FKTN: variants seen among roughly 807,000 people sequenced by gnomAD.
The protein encoded by FKTN is fukutin, also known as ribitol-5-phosphate transferase FKTN.
Under a neutral mutation model 58.6 loss-of-function variants are expected in FKTN, and 47 were observed. That is an observed-to-expected ratio of 0.80 (90% CI 0.63 to 1.02). The LOEUF (loss-of-function observed/expected upper bound fraction) is 1.02, where lower values mean the gene tolerates loss of function less well. Ranked by LOEUF, FKTN falls within the 50% of genes least tolerant of loss-of-function variation. FKTN has a pLI of 0.00. For synonymous variants in FKTN, 178 were observed against 191.9 expected, an observed-to-expected ratio of 0.93 and a Z score of 0.60; for missense variants, 516 against 537.3, an observed-to-expected ratio of 0.96 and a Z score of 0.39.
At position 105,636,552 on chromosome 9, in the gene FKTN, T is replaced by G. The variant is rs1415352413; in HGVS notation, c.*1288T>G. On this transcript the variant is annotated 3_prime_UTR_variant, in exon 11 of 11. Transcript: ENST00000357998. ...AGTTTCCTTTTCCCCTCAAGATGTC[T>G]GAGTCAGCTAGGATGCTGTTTACCC... The G allele has an allele frequency of 8.6e-6, 9 of 1,049,756 alleles. No individual in the cohort carries two copies. Among genetic ancestry groups the G allele is most frequent in the Non-Finnish European group, 1.0e-5 (9 of 857,370 alleles). 65.0% of individuals were successfully genotyped at this position (1,049,756 alleles called of 1,614,324 possible).
intron 3 of FKTN, among the ~76,000 whole-genome samples, chr9:105,586,785 A>G (rs1293205365): frequency 6.6e-6 from 1 of 152,236 alleles, no homozygotes; most frequent in Non-Finnish European, 1.5e-5. Flanking sequence ...AACTATCAGT[A>G]GCTTACATTT....
chr9:105,569,430 T>C (rs866309686), intron 1 of FKTN, among the ~76,000 whole-genome samples: 2 of 152,128 alleles, frequency 1.3e-5, no homozygotes, highest in Non-Finnish European at 2.9e-5. Flanking sequence ...CTAGTTTTTT[T>C]CCAAGCCTTT....
chr9:105,599,092 G>T (rs1011899087), intron 4 of FKTN, among the ~76,000 whole-genome samples: 2 of 152,102 alleles, frequency 1.3e-5, no homozygotes, highest in Non-Finnish European at 2.9e-5. Context: ...AAAGATATAT[G>T]AAGAACTCCC....
chr9:105,620,264 C>G (rs1831624463), intron 10 of FKTN: 1 of 488,898 alleles, frequency 2.0e-6, no homozygotes, highest in Non-Finnish European at 3.7e-6. Flanking sequence ...GAGGAAGTGT[C>G]CCTGGGTTTG....
chr9:105,580,033 A>T (rs910010936), intron 3 of FKTN, among the ~76,000 whole-genome samples: 1 of 151,540 alleles, frequency 6.6e-6, no homozygotes, highest in Non-Finnish European at 1.5e-5. Context: ...ATCTTCCTCC[A>T]TCCTTTTATT....
intron 3 of FKTN, among the ~76,000 whole-genome samples, chr9:105,575,835 T>G (rs1027608480): frequency 2.0e-5 from 3 of 152,204 alleles, no homozygotes; most frequent in Non-Finnish European, 4.4e-5. Context: ...TTTGCGCCCC[T>G]CCTCAACTAG....
At chr9:105,606,913 T>C (rs1334171568) in intron 6 of FKTN, among the ~76,000 whole-genome samples, 1 of 151,820 alleles carries the variant, frequency 6.6e-6, no homozygotes, top group African/African-American at 2.4e-5. Flanking sequence ...GTTTTTATTA[T>C]TGGCTTCTCT....
chr9:105,562,823 A>T (rs1181218250), intron 1 of FKTN, among the ~76,000 whole-genome samples: 1 of 152,188 alleles, frequency 6.6e-6, no homozygotes, highest in Non-Finnish European at 1.5e-5. Context: ...TCTCTGATTC[A>T]TACTATCTAT....
intron 3 of FKTN, among the ~76,000 whole-genome samples, chr9:105,594,742 CATT>C (rs1826437276): frequency 6.6e-6 from 1 of 152,056 alleles, no homozygotes; most frequent in Non-Finnish European, 1.5e-5. Flanking sequence ...ACCCCTGTCT[CATT>C]AATAATAGTA....
In FKTN at chr9:105,635,622, A is replaced by G. The variant is rs1001659987; in HGVS notation, c.*358A>G. 9 of 1,157,930 alleles carry G rather than the reference A, an allele frequency of 7.8e-6. No homozygotes were observed. Among genetic ancestry groups the G allele is most frequent in the African/African-American group, 1.6e-5 (1 of 62,474 alleles). 71.7% of individuals were successfully genotyped at this position (1,157,930 alleles called of 1,614,324 possible). A position where few individuals can be genotyped will look rare whatever the true frequency, so the allele number is the denominator to read the frequency against. Reference sequence around the variant, plus strand: ...AACGTGAAGTAATGTTTGAACTGGAAGATGAGCTCACCAGGCAAAGCTAAG... The same window carrying G: ...AACGTGAAGTAATGTTTGAACTGGAGGATGAGCTCACCAGGCAAAGCTAAG... On this transcript the variant is annotated 3_prime_UTR_variant, in exon 11 of 11. Coordinates refer to ENST00000357998, the MANE Select transcript of FKTN (RefSeq NM_001079802.2).
At chr9:105,573,199 C>G (rs1484256547) in intron 1 of FKTN, among the ~76,000 whole-genome samples, 1 of 150,970 alleles carries the variant, frequency 6.6e-6, no homozygotes, top group Admixed American at 6.6e-5. Context: ...CGTGCCACTG[C>G]ACTCCATCCA....
intron 1 of FKTN, among the ~76,000 whole-genome samples, chr9:105,564,597 A>G (rs1487739286): frequency 6.6e-6 from 1 of 152,224 alleles, no homozygotes; most frequent in Non-Finnish European, 1.5e-5. Flanking sequence ...AAGTTTAGAG[A>G]AAAAAGAATA....
chr9:105,565,692 T>C (rs555225302), intron 1 of FKTN, among the ~76,000 whole-genome samples: 1 of 152,202 alleles, frequency 6.6e-6, no homozygotes, highest in South Asian at 2.1e-4. Flanking sequence ...TCCCATACAA[T>C]AATAATGGGA....
chr9:105,566,197 G>A (rs1839566763), intron 1 of FKTN, among the ~76,000 whole-genome samples: 2 of 152,100 alleles, frequency 1.3e-5, no homozygotes, highest in African/African-American at 4.8e-5. Context: ...AGAGAAAGCA[G>A]GAAAGATCTA....
intron 4 of FKTN, among the ~76,000 whole-genome samples, chr9:105,600,336 T>A (rs1177716465): frequency 6.6e-6 from 1 of 152,218 alleles, no homozygotes; most frequent in African/African-American, 2.4e-5. Context: ...TATTCTTAAT[T>A]TCATGAAGCA....
intron 3 of FKTN, among the ~76,000 whole-genome samples, chr9:105,594,809 G>A (rs1419029837): frequency 1.3e-5 from 2 of 152,200 alleles, no homozygotes; most frequent in Non-Finnish European, 2.9e-5. Flanking sequence ...AGTTGCAGGT[G>A]CAGAATAAGT....
Position 105,635,093 on chromosome 9 carries a change from A to G in FKTN, c.1215A>G (p.Val405=). ...PKFTLCWTEF[V]DMKVHVPCET... ...TTACACTGTGCTGGACTGAGTTTGT[A>G]GACATGAAGGTCCATGTACCCTGTG... Residue 405 remains valine, a synonymous_variant, in exon 11 of 11, where the codon GTA becomes GTG. Coordinates refer to ENST00000357998, the MANE Select transcript of FKTN (RefSeq NM_001079802.2). 1 of 1,614,128 alleles carries G rather than the reference A, an allele frequency of 6.2e-7. No individual in the cohort carries two copies. The highest frequency in any genetic ancestry group is 8.5e-7 in the Non-Finnish European group (1 of 1,179,978).
chr9:105,638,912 C>A lies in FKTN; in HGVS notation c.*3648C>A. 8 of 985,112 alleles carry A rather than the reference C, an allele frequency of 8.1e-6. No homozygotes were observed. In the South Asian group the frequency reaches 3.8e-4, roughly 46 times the overall value. 61.0% of individuals were successfully genotyped at this position (985,112 alleles called of 1,614,324 possible). A position where few individuals can be genotyped will look rare whatever the true frequency, so the allele number is the denominator to read the frequency against. ...ATAGGCAGGATATTACATAGGTAAG[C>A]AGGAATTTATACATTGGGTACCAGA... On this transcript the variant is annotated 3_prime_UTR_variant, in exon 11 of 11. Transcript: ENST00000357998.
chr9:105,627,740 C>G (rs1292701530), intron 10 of FKTN, among the ~76,000 whole-genome samples: 1 of 152,140 alleles, frequency 6.6e-6, no homozygotes, highest in African/African-American at 2.4e-5. Flanking sequence ...CTCTGCATTT[C>G]TATAGATTTT....
Sources: allele counts gnomAD v4.1 joint callset (sites outside exome capture counted in the v4.1 genomes callset), GRCh38; gene constraint gnomAD v4.1.1; transcripts MANE v1.5; gene names NCBI Gene and HGNC (gene_info 2026-07-23, HGNC 2026-07-21).